UBN2: variants seen among roughly 807,000 people sequenced by gnomAD.
The protein encoded by UBN2 is ubinuclein 2, also known as ubinuclein-2.
UBN2 carries 35 observed loss-of-function variants against 120.2 expected under a neutral mutation model. That is an observed-to-expected ratio of 0.29 (90% confidence interval 0.22 to 0.39). UBN2 has a LOEUF of 0.39. UBN2 is among the 10% of genes least tolerant of loss of function. UBN2 has a pLI of 1.00. For missense variants in UBN2, 1,693 were observed against 1,663.2 expected (o/e 1.02, Z -0.31); for synonymous variants, 661 against 648.7 (o/e 1.02, Z -0.29).
intron 11 of UBN2, among the ~76,000 whole-genome samples, chr7:139,275,018 C>T (rs1029850528): frequency 2.0e-5 from 3 of 152,064 alleles, no homozygotes; most frequent in African/African-American, 7.2e-5. Context: ...TGGCTCACAC[C>T]TGTAATAGCA....
At chr7:139,263,885 C>A (rs1042572190) in intron 6 of UBN2, among the ~76,000 whole-genome samples, 1 of 151,778 alleles carries the variant, frequency 6.6e-6, no homozygotes, top group African/African-American at 2.4e-5. Context: ...ATCTAATTTT[C>A]TATAACTAGG....
chr7:139,279,303 A>G lies in UBN2; in HGVS notation c.2025-15A>G, dbSNP rs777183389. On this transcript the variant is annotated splice_polypyrimidine_tract_variant and intron_variant, in intron 12 of 17. Coordinates refer to ENST00000473989, the MANE Select transcript of UBN2 (RefSeq NM_173569.4). Reference sequence around the variant, plus strand: ...ACTGCTACTGAAATAGCCTTTTAAAATCTTTTTATCTTAGGGCAAAGAAAA... The same window carrying G: ...ACTGCTACTGAAATAGCCTTTTAAAGTCTTTTTATCTTAGGGCAAAGAAAA... 1 of 1,605,700 alleles carries G rather than the reference A, an allele frequency of 6.2e-7. No individual in the cohort carries two copies. Among genetic ancestry groups the G allele is most frequent in the South Asian group, 1.1e-5 (1 of 90,076 alleles).
At chr7:139,245,604 C>T (rs1304696208) in intron 2 of UBN2, among the ~76,000 whole-genome samples, 1 of 152,148 alleles carries the variant, frequency 6.6e-6, no homozygotes, top group African/African-American at 2.4e-5. Flanking sequence ...TCTGATTGTG[C>T]CCATTACAAC....
At position 139,263,016 on chromosome 7, in the gene UBN2, C is replaced by CT. The variant is rs1446780108; in HGVS notation, c.1395+1281dup. On this transcript the variant is annotated intron_variant, in intron 6 of 17. Coordinates refer to ENST00000473989, the MANE Select transcript of UBN2 (RefSeq NM_173569.4). ...TATAAGATAGGGACTGTAACACCAACTTTTTTGGCTGTTACGAAGGTTAAA... is the reference window on the plus strand; with the variant it reads ...TATAAGATAGGGACTGTAACACCAACTTTTTTTGGCTGTTACGAAGGTTAAA... Among the ~76,000 whole-genome samples the CT allele has an allele frequency of 2.0e-5, 3 of 152,194 alleles. No homozygotes were observed. The East Asian group carries it at 5.8e-4, about 29-fold the overall frequency.
chr7:139,309,849 T>C (rs1419489661), downstream of UBN2, among the ~76,000 whole-genome samples: 1 of 151,876 alleles, frequency 6.6e-6, no homozygotes, highest in Non-Finnish European at 1.5e-5. Flanking sequence ...CCATCCTGGG[T>C]GATTGTAAGT....
At chr7:139,253,203 G>A (rs1291572355) in intron 3 of UBN2, among the ~76,000 whole-genome samples, 3 of 151,770 alleles carry the variant, frequency 2.0e-5, no homozygotes, top group Non-Finnish European at 2.9e-5. Flanking sequence ...ACTGTTTCTG[G>A]TTTTATGTGC....
intron 15 of UBN2, among the ~76,000 whole-genome samples, chr7:139,290,531 A>C (rs1348522079): frequency 1.3e-5 from 2 of 152,228 alleles, no homozygotes; most frequent in Non-Finnish European, 2.9e-5. Flanking sequence ...AAGGGACTGG[A>C]AAGAATGGAA....
chr7:139,270,270 C>A (rs984936301), intron 8 of UBN2, among the ~76,000 whole-genome samples: 1 of 134,414 alleles, frequency 7.4e-6, no homozygotes, highest in Admixed American at 7.5e-5. Context: ...AGCAGAAATA[C>A]TTTTTTTTTT....
intron 2 of UBN2, among the ~76,000 whole-genome samples, chr7:139,245,347 A>T (rs1248015734): frequency 6.6e-6 from 1 of 152,138 alleles, no homozygotes; most frequent in African/African-American, 2.4e-5. Flanking sequence ...TACCTGTAAG[A>T]TCATTTTGAG....
At chr7:139,267,517 T>C (rs1416284290) in intron 7 of UBN2, among the ~76,000 whole-genome samples, 2 of 145,098 alleles carry the variant, frequency 1.4e-5, no homozygotes, top group Admixed American at 1.4e-4. Context: ...ACCTGGGTGA[T>C]AGGGTGAGAC....
the UBN2 span, among the ~76,000 whole-genome samples, chr7:139,329,557 G>A: frequency 3.3e-5 from 5 of 152,142 alleles, no homozygotes; most frequent in Non-Finnish European, 5.9e-5. Context: ...TGAAACAGAA[G>A]TAATCCACTA....
At chr7:139,241,197 T>C (rs1188621817) in intron 2 of UBN2, among the ~76,000 whole-genome samples, 2 of 152,208 alleles carry the variant, frequency 1.3e-5, no homozygotes, top group African/African-American at 4.8e-5. Flanking sequence ...GGATAACCTA[T>C]AATTGTTGGA....
chr7:139,318,415 C>T, the UBN2 span, among the ~76,000 whole-genome samples: 12 of 152,262 alleles, frequency 7.9e-5, no homozygotes, highest in African/African-American at 2.9e-4. Context: ...CTCATGGTGG[C>T]TTATTTCTCT....
intron 13 of UBN2, among the ~76,000 whole-genome samples, chr7:139,281,523 CATCCATCTATCCA>C (rs1228752434): frequency 5.3e-5 from 8 of 152,162 alleles, no homozygotes; most frequent in African/African-American, 1.9e-4. Flanking sequence ...TCCATACATC[CATCCATCTATCCA>C]ATCAGCTATC....
the UBN2 span, among the ~76,000 whole-genome samples, chr7:139,329,581 G>T: frequency 1.3e-5 from 2 of 152,116 alleles, no homozygotes; most frequent in African/African-American, 4.8e-5. Flanking sequence ...AGGAGAGAAG[G>T]TTGTTCCATT....
intron 4 of UBN2, among the ~76,000 whole-genome samples, chr7:139,258,863 A>G (rs897927773): frequency 6.6e-6 from 1 of 152,184 alleles, no homozygotes; most frequent in Non-Finnish European, 1.5e-5. Flanking sequence ...CTAATAATTT[A>G]CTGTTTCTGG....
intron 6 of UBN2, among the ~76,000 whole-genome samples, chr7:139,264,681 C>T (rs1246142666): frequency 1.2e-4 from 19 of 152,140 alleles, no homozygotes; most frequent in African/African-American, 2.4e-4. Context: ...CTCCGCCTCC[C>T]GGGTTCAAGC....
rs767537658 is a variant in UBN2 at position 139,283,129 on chromosome 7, A to C, written c.2224A>C (p.Ser742Arg). 6.2e-7 allele frequency: 1 copy of C among 1,612,636 alleles called. No individual in the cohort carries two copies. ...STAAIAAASS[S>R]SAPAQETICL... ...AGCTGCCATTGCTGCAGCTAGCTCT[A>C]GCTCTGCACCAGCCCAAGAAACCAT... Residue 742 changes from serine (S) to arginine (R), a missense_variant, in exon 15 of 18, where the codon AGC (serine) becomes CGC (arginine). Around this residue, in one of 5 missense-constraint regions of UBN2, gnomAD observed 837 missense variants for 817.6 expected, o/e 1.02. Coordinates refer to ENST00000473989, the MANE Select transcript of UBN2 (RefSeq NM_173569.4).
intron 9 of UBN2, among the ~76,000 whole-genome samples, chr7:139,272,719 G>T (rs1397408729): frequency 6.6e-6 from 1 of 152,052 alleles, no homozygotes; most frequent in Admixed American, 6.5e-5. Flanking sequence ...TAGAGACAGG[G>T]TTTCACCATG....
Sources: gnomAD v4.1 joint callset for allele counts (sites outside exome capture counted in the v4.1 genomes callset) on GRCh38, gnomAD v4.1.1 for gene constraint, gnomAD v4.1.1 regional missense constraint, MANE v1.5 for transcripts, NCBI Gene and HGNC (gene_info 2026-07-23, HGNC 2026-07-21) for gene names.